The following TNS1 variants were observed in gnomAD, a reference collection of about 807,000 sequenced individuals.
TNS1 encodes tensin 1, also known as tensin-1.
In TNS1, 62 loss-of-function variants were observed where a neutral mutation model predicts 168.6. That is an observed-to-expected ratio of 0.37 (90% confidence interval 0.30 to 0.45). The LOEUF (loss-of-function observed/expected upper bound fraction) is 0.45, where lower values mean the gene tolerates loss of function less well. Among genes scored for constraint, TNS1 ranks in the 20% least tolerant of loss-of-function variants. The pLI, the probability that TNS1 is intolerant of heterozygous loss-of-function variation, is 1.00. For synonymous variants in TNS1, 934 were observed against 933.2 expected, an observed-to-expected ratio of 1.00 and a Z score of -0.02; for missense variants, 2,240 against 2,339.4, an observed-to-expected ratio of 0.96 and a Z score of 0.88.
chr2:217,912,067 C>T (rs1954472563), intron 4 of TNS1, among the ~76,000 whole-genome samples: 2 of 152,238 alleles, frequency 1.3e-5, no homozygotes, highest in South Asian at 4.1e-4. Flanking sequence ...CACATATGCC[C>T]TCTCCACACA....
At position 217,886,663 on chromosome 2, in the gene TNS1, A is replaced by G; in HGVS notation, c.867-17T>C. ...TGCACGTACCTGTAGTGGTGGGAGA[A>G]GCAGCTTCAGGGAGTGAGGTGGGTA... On this transcript the variant is annotated splice_polypyrimidine_tract_variant and intron_variant, in intron 12 of 32. Coordinates refer to ENST00000682258, the MANE Select transcript of TNS1 (RefSeq NM_001387777.1). 1 of 1,555,296 alleles carries G rather than the reference A, an allele frequency of 6.4e-7. No homozygotes were observed. The highest frequency in any genetic ancestry group is 8.7e-7 in the Non-Finnish European group (1 of 1,143,998).
chr2:217,824,648 G>A (rs1943356227), intron 22 of TNS1, among the ~76,000 whole-genome samples: 1 of 152,096 alleles, frequency 6.6e-6, no homozygotes, highest in Non-Finnish European at 1.5e-5. Context: ...TTGGGCAACT[G>A]GTAACCCAAC....
chr2:217,886,229 G>C, intron 13 of TNS1, 125 bp from the exon 14 acceptor site: 1 of 1,033,728 alleles, frequency 9.7e-7, no homozygotes, highest in Non-Finnish European at 1.4e-6. Context: ...GTAGGAAGGG[G>C]AAGGAGGAAA....
intron 3 of TNS1, among the ~76,000 whole-genome samples, chr2:217,955,927 C>T (rs1000485886): frequency 1.6e-4 from 24 of 152,086 alleles, no homozygotes; most frequent in African/African-American, 4.1e-4. Context: ...AAACAGGTAA[C>T]GCTCCCACAA....
exon 1 of TNS1, chr2:218,010,216 C>G (rs913369898): frequency 1.0e-5 from 4 of 398,850 alleles, no homozygotes; most frequent in African/African-American, 8.2e-5. Context: ...AGAGTGGGCG[C>G]CTGGGGCGCG....
At chr2:217,943,492 C>G (rs1255865091) in intron 3 of TNS1, among the ~76,000 whole-genome samples, 6 of 152,158 alleles carry the variant, frequency 3.9e-5, no homozygotes, top group Non-Finnish European at 7.3e-5. Flanking sequence ...TCCCTGTGTC[C>G]CTCCCTACTC....
chr2:217,872,526 G>T (rs1290268492), intron 18 of TNS1, among the ~76,000 whole-genome samples: 12 of 152,234 alleles, frequency 7.9e-5, no homozygotes, highest in Admixed American at 7.9e-4. Flanking sequence ...ACACCCACTA[G>T]GATGGCTAGC....
intron 1 of TNS1, among the ~76,000 whole-genome samples, chr2:218,000,123 T>C (rs1226788892): frequency 1.3e-5 from 2 of 152,228 alleles, no homozygotes; most frequent in East Asian, 3.8e-4. Flanking sequence ...TAATAGCAAA[T>C]GGGAGCACTT....
intron 32 of TNS1, 86 bp downstream of exon 32, chr2:217,807,989 C>G (rs1383734701): frequency 2.0e-6 from 3 of 1,515,604 alleles, no homozygotes; most frequent in Non-Finnish European, 2.7e-6. Flanking sequence ...CTACCCCCAG[C>G]CCTGGTTTCT....
intron 1 of TNS1, among the ~76,000 whole-genome samples, chr2:218,029,330 T>C (rs1303536216): frequency 1.3e-5 from 2 of 152,234 alleles, no homozygotes; most frequent in Admixed American, 1.3e-4. Context: ...GGTGCTGAAG[T>C]TCTCCCTTCA....
At chr2:217,860,709 C>G (rs1948701196) in intron 18 of TNS1, among the ~76,000 whole-genome samples, 1 of 152,190 alleles carries the variant, frequency 6.6e-6, no homozygotes, top group Non-Finnish European at 1.5e-5. Flanking sequence ...TAAACTAGTT[C>G]TAAGCACAAT....
Position 217,848,552 on chromosome 2 carries a change from CT to C in TNS1, c.1964del (p.Glu655GlyfsTer11). On this transcript the variant is annotated frameshift_variant, in exon 19 of 33. Coordinates refer to ENST00000682258, the MANE Select transcript of TNS1 (RefSeq NM_001387777.1). LOFTEE classifies it high-confidence loss of function. The part of the protein sequence containing the change: ...SSLDGVTNTS[E>X]GGYPEALSPL... ...GGGACAGGGCCTCTGGGTAGCCCCCCTCACTGGTGTTGGTGACCCCGTCCAG... is the reference window on the plus strand; with the variant it reads ...GGGACAGGGCCTCTGGGTAGCCCCCCCACTGGTGTTGGTGACCCCGTCCAG... The C allele has an allele frequency of 6.2e-7, 1 of 1,614,116 alleles. No individual in the cohort carries two copies. The highest frequency in any genetic ancestry group is 8.5e-7 in the Non-Finnish European group (1 of 1,179,980).
intron 1 of TNS1, among the ~76,000 whole-genome samples, chr2:218,030,482 C>T (rs1958883005): frequency 1.3e-5 from 2 of 152,242 alleles, no homozygotes; most frequent in African/African-American, 2.4e-5. Flanking sequence ...GGGCAAGGAC[C>T]CGAGCTGTCT....
At chr2:218,027,688 A>T (rs1282695459) in intron 1 of TNS1, among the ~76,000 whole-genome samples, 1 of 152,222 alleles carries the variant, frequency 6.6e-6, no homozygotes, top group South Asian at 2.1e-4. Flanking sequence ...ATGTGTATGC[A>T]TGGGGCTTGG....
intron 3 of TNS1, among the ~76,000 whole-genome samples, chr2:217,943,103 A>G (rs927715744): frequency 2.6e-5 from 4 of 152,104 alleles, no homozygotes; most frequent in African/African-American, 9.7e-5. Context: ...AGCAGGGGGA[A>G]GGCAGCTGCC....
At chr2:217,858,958 G>GCCCAGCCCCAGCCCCAGCCCCAGC in intron 18 of TNS1, among the ~76,000 whole-genome samples, 1 of 114,704 alleles carries the variant, frequency 8.7e-6, no homozygotes, top group African/African-American at 3.9e-5. Flanking sequence ...CCCAACCCCA[G>GCCCAGCCCCAGCCCCAGCCCCAGC]CCCAGCCCCA....
intron 22 of TNS1, among the ~76,000 whole-genome samples, chr2:217,829,338 T>C (rs1944070288): frequency 6.6e-6 from 1 of 151,896 alleles, no homozygotes; most frequent in Non-Finnish European, 1.5e-5. Flanking sequence ...TGAGCCGAGA[T>C]CGTGCCACTG....
intron 18 of TNS1, among the ~76,000 whole-genome samples, chr2:217,875,239 C>T (rs527975429): frequency 2.6e-4 from 40 of 152,272 alleles, no homozygotes; most frequent in African/African-American, 7.5e-4. Context: ...CAGAAATATG[C>T]TTTTGTTGGG....
At chr2:217,980,185 C>T (rs1002618537) in intron 2 of TNS1, among the ~76,000 whole-genome samples, 6 of 152,130 alleles carry the variant, frequency 3.9e-5, no homozygotes, top group African/African-American at 7.2e-5. Context: ...TGTGACTCAC[C>T]GGTGCTGAGC....
Sources: gnomAD v4.1 joint callset for allele counts (sites outside exome capture counted in the v4.1 genomes callset) on GRCh38, gnomAD v4.1.1 for gene constraint, MANE v1.5 for transcripts, NCBI Gene and HGNC (gene_info 2026-07-23, HGNC 2026-07-21) for gene names.